The following TAF1 variants were observed in gnomAD, a reference collection of about 807,000 sequenced individuals.
TAF1 encodes the protein transcription initiation factor TFIID subunit 1.
A neutral mutation model predicts 138.5 loss-of-function variants in TAF1; 2 were observed. The ratio of observed to expected loss-of-function variants is 0.01; its 90% CI spans 0.01 to 0.05. The LOEUF (loss-of-function observed/expected upper bound fraction) is 0.05. TAF1 is among the 10% of genes least tolerant of loss of function. The probability of loss-of-function intolerance (pLI) is 1.00; values close to 1 mark genes in which losing one functional copy is unlikely to be tolerated. For missense variants in TAF1, 709 were observed against 1,478.0 expected (o/e 0.48, Z 8.53); for synonymous variants, 437 against 503.2 (o/e 0.87, Z 1.76).
chrX:71,494,860 T>TG (rs2039367862), intron 13 of TAF1, among the ~76,000 whole-genome samples: 2 of 112,352 alleles, frequency 1.8e-5, no homozygotes, highest in Non-Finnish European at 3.8e-5. Context: ...TGCCGCTGGC[T>TG]GGGGTGGCCA....
chrX:71,422,404 C>T (rs2036393756), intron 29 of TAF1, among the ~76,000 whole-genome samples: 1 of 107,495 alleles, frequency 9.3e-6, no homozygotes, highest in African/African-American at 3.4e-5. Context: ...CTCACTGCAA[C>T]CTCCGCCTCC....
chrX:71,447,718 A>G (rs2037763262), intron 32 of TAF1, among the ~76,000 whole-genome samples: 3 of 109,838 alleles, frequency 2.7e-5, no homozygotes, highest in Admixed American at 2.0e-4. Context: ...AAAAATAGCA[A>G]TAATGCTTGC....
chrX:71,436,534 A>G (rs1273891373), intron 32 of TAF1, among the ~76,000 whole-genome samples: 1 of 108,807 alleles, frequency 9.2e-6, no homozygotes, highest in African/African-American at 3.3e-5. Context: ...TTTTGTAGAG[A>G]TGGGGTTTCA....
At chrX:71,461,255 A>G (rs998501071) in intron 37 of TAF1, among the ~76,000 whole-genome samples, 2 of 111,694 alleles carry the variant, frequency 1.8e-5, no homozygotes, top group African/African-American at 6.5e-5. Flanking sequence ...GTAGAACACA[A>G]AGTATGTTCC....
intron 2 of TAF1, 128 bp from the exon 3 acceptor site, chrX:71,367,926 C>A: frequency 1.3e-6 from 1 of 741,248 alleles, no homozygotes; most frequent in Non-Finnish European, 2.0e-6. Context: ...CTGGCTTGGC[C>A]TTCCAAAGTG....
At chrX:71,481,682 T>G (rs187783003) in intron 13 of TAF1, among the ~76,000 whole-genome samples, 58 of 111,466 alleles carry the variant, frequency 5.2e-4, no homozygotes, top group African/African-American at 1.7e-3. Context: ...CTCAGCCTCC[T>G]GAGTAGCTGG....
At chrX:71,378,780 C>T (rs933709313) in intron 7 of TAF1, 44 bp from the exon 8 acceptor site, 13 of 1,160,299 alleles carry the variant, frequency 1.1e-5, no homozygotes, top group Non-Finnish European at 1.5e-5. Flanking sequence ...AAACCTTGAC[C>T]AGTGACCAAT....
Position 71,505,543 on chromosome X carries a change from C to A in TAF1, c.1367-22999C>A, listed in dbSNP as rs189559778. ...TACTCCAGTTTAATCATGAGAAAAA[C>A]ATCAGAAAAATCTCAATTGAGGGAT... is the stretch of plus-strand genomic sequence containing the variant. On this transcript the variant is annotated intron_variant and NMD_transcript_variant, in intron 13 of 14. Transcript: ENST00000373775. Among the ~76,000 whole-genome samples, 105 of 112,257 alleles carry A rather than the reference C, an allele frequency of 9.4e-4. 1 individual carries two copies. Among genetic ancestry groups the A allele is most frequent in the African/African-American group, 3.3e-3 (103 of 30,937 alleles).
intron 26 of TAF1, among the ~76,000 whole-genome samples, 161 bp from the exon 27 acceptor site, chrX:71,407,413 T>C (rs1214414670): frequency 3.6e-5 from 4 of 109,843 alleles, no homozygotes; most frequent in African/African-American, 1.0e-4. Context: ...AGACGGGGCT[T>C]CACCATGTTG....
chrX:71,453,393 C>G (rs891194570), intron 32 of TAF1, among the ~76,000 whole-genome samples: 1 of 63,494 alleles, frequency 1.6e-5, no homozygotes, highest in African/African-American at 5.9e-5. Flanking sequence ...ACCCCCCCCC[C>G]ACCCCCAATC....
At chrX:71,440,003 A>G (rs2037332199) in intron 32 of TAF1, among the ~76,000 whole-genome samples, 1 of 111,292 alleles carries the variant, frequency 9.0e-6, no homozygotes, top group South Asian at 3.7e-4. Context: ...TTCGTGCCAT[A>G]TATATGTTCC....
intron 32 of TAF1, among the ~76,000 whole-genome samples, chrX:71,436,038 C>CTTTTT (rs780566468): frequency 3.8e-5 from 3 of 78,421 alleles, no homozygotes; most frequent in Admixed American, 1.4e-4. Context: ...ATGCTACCTC[C>CTTTTT]TTTTTTTTTT....
chrX:71,483,036 G>T (rs189178964), intron 13 of TAF1, among the ~76,000 whole-genome samples: 1 of 110,256 alleles, frequency 9.1e-6, no homozygotes, highest in East Asian at 2.8e-4. Flanking sequence ...CTGGAGTGCA[G>T]TGTCATGATC....
chrX:71,393,136 T>C (rs2034654856), intron 20 of TAF1, 142 bp downstream of exon 20: 1 of 1,060,011 alleles, frequency 9.4e-7, no homozygotes, highest in Middle Eastern at 2.6e-4. Flanking sequence ...TTTTAGGAGT[T>C]ATCTTTCTAT....
chrX:71,384,739 T>C (rs1291258197), intron 13 of TAF1, among the ~76,000 whole-genome samples: 1 of 111,905 alleles, frequency 8.9e-6, no homozygotes, highest in Non-Finnish European at 1.9e-5. Flanking sequence ...ATGATGATAC[T>C]CAAATGCTCA....
At chrX:71,455,870 A>C (rs1020114092) in intron 34 of TAF1, among the ~76,000 whole-genome samples, 2 of 111,429 alleles carry the variant, frequency 1.8e-5, no homozygotes, top group Non-Finnish European at 3.8e-5. Context: ...CCTCTGTTGG[A>C]TTATTGCTGT....
At chrX:71,418,845 G>A (rs1170969846) in intron 28 of TAF1, among the ~76,000 whole-genome samples, 5 of 100,900 alleles carry the variant, frequency 5.0e-5, no homozygotes, top group Non-Finnish European at 9.9e-5. Context: ...CTTGGCTCAC[G>A]CAACCTCCAC....
At chrX:71,369,772 AT>A (rs749487385) in intron 3 of TAF1, among the ~76,000 whole-genome samples, 221 of 98,500 alleles carry the variant, frequency 2.2e-3, no homozygotes, top group Admixed American at 3.1e-3. Context: ...CGCCTGGCTA[AT>A]TTTTTTTTTT....
rs1035591064 is a variant in TAF1, at chrX:71,506,219, A to T, written c.1367-22323A>T. On this transcript the variant is annotated intron_variant and NMD_transcript_variant, in intron 13 of 14. Transcript: ENST00000373775. ...CCGTCTCAAAATAAATAAATAAATA[A>T]AAATAAATAAATAAATAAAAAATCA... Among the ~76,000 whole-genome samples the T allele has an allele frequency of 6.5e-5, 7 of 107,113 alleles. No individual in the cohort carries two copies. The East Asian group carries it at 1.4e-3, about 22-fold the overall frequency. The allele number at this position is 107,113 out of a possible 115,157, so 93.0% of individuals were successfully genotyped here. A position where few individuals can be genotyped will look rare whatever the true frequency, so the allele number is the denominator to read the frequency against.
Sources: gnomAD v4.1 joint callset for allele counts (sites outside exome capture counted in the v4.1 genomes callset) on GRCh38, gnomAD v4.1.1 for gene constraint, MANE v1.5 for transcripts, NCBI Gene and HGNC (gene_info 2026-07-23, HGNC 2026-07-21) for gene names.